The following CHD3 variants were observed in gnomAD, a reference collection of about 807,000 sequenced individuals.
CHD3 encodes the protein ATP-dependent chromatin remodeler CHD3.
Under a neutral mutation model 248.9 loss-of-function variants are expected in CHD3, and 52 were observed. The ratio of observed to expected loss-of-function variants is 0.21; its 90% CI spans 0.17 to 0.26. The LOEUF (loss-of-function observed/expected upper bound fraction) is 0.26. Ranked by LOEUF, CHD3 falls within the 10% of genes least tolerant of loss-of-function variation. The probability of loss-of-function intolerance (pLI) is 1.00; values close to 1 mark genes in which losing one functional copy is unlikely to be tolerated. For missense variants in CHD3, 1,482 were observed against 2,605.8 expected, an observed-to-expected ratio of 0.57 and a Z score of 9.39; for synonymous variants, 985 against 985.2, an observed-to-expected ratio of 1.00 and a Z score of 0.00.
In CHD3 at chr17:7,907,809, C is replaced by CAGTAG. The variant is rs887268053; in HGVS notation, c.5027-81_5027-80insGAGTA. ...CTGGGCGGGTAGCTGTTTGAAAGGC[C>CAGTAG]AGTACAGTACAGTACAGATAGTAGT... On this transcript the variant is annotated intron_variant, in intron 33 of 39. Transcript: ENST00000330494. This position sits in a 1 kb window ranked among gnomAD's most constrained non-coding sequence, Gnocchi z 4.3. 3.5e-5 allele frequency: 52 copies of CAGTAG among 1,505,540 alleles called. No individual in the cohort carries two copies. The Admixed American group carries it at 5.3e-4, about 15-fold the overall frequency. 93.3% of individuals were successfully genotyped at this position (1,505,540 alleles called of 1,614,324 possible).
In CHD3 at chr17:7,911,741, A is replaced by G. The variant is rs1234198122; in HGVS notation, c.*156A>G. The G allele has an allele frequency of 6.5e-7, 1 of 1,535,276 alleles. No homozygotes were observed. The highest frequency in any genetic ancestry group is 8.8e-7 in the Non-Finnish European group (1 of 1,137,110). On this transcript the variant is annotated 3_prime_UTR_variant, in exon 40 of 40. Transcript: ENST00000330494. The surrounding 1 kb of genome is among the most constrained non-coding windows in gnomAD (Gnocchi z 5.4). ...CCCCTCTCTGCAGCTCCTCTCTTCA[A>G]GAAGGGCCCTTTGTCTTTCTCCACT...
In CHD3 at chr17:7,904,703, A is replaced by C; in HGVS notation, c.4072+84A>C. On this transcript the variant is annotated intron_variant, in intron 25 of 39. Transcript: ENST00000330494. The surrounding 1 kb of genome is among the most constrained non-coding windows in gnomAD (Gnocchi z 4.4). ...GAAGGCTGGAGCTATTTAGAGGGAA[A>C]GAGAGAAGCCTAGAAGTCAGAGCCT... is the stretch of plus-strand genomic sequence containing the variant. 7.8e-7 allele frequency: 1 copy of C among 1,282,148 alleles called. No individual in the cohort carries two copies. The highest frequency in any genetic ancestry group is 1.1e-6 in the Non-Finnish European group (1 of 924,768). The allele number at this position is 1,282,148 out of a possible 1,614,324, so 79.4% of individuals were successfully genotyped here.
chr17:7,898,183 C>CAGTA, intron 12 of CHD3, 81 bp downstream of exon 12: 1 of 1,535,928 alleles, frequency 6.5e-7, no homozygotes, highest in Non-Finnish European at 8.8e-7. Flanking sequence ...AATGAGGGTA[C>CAGTA]AGTAGGGCCT....
In CHD3 at chr17:7,894,607, G is replaced by A; in HGVS notation, c.1268G>A (p.Cys423Tyr). ...GAGGGCAAATGGAGCTGCCCTCACT[G>A]TGTGAGTACCTAATGCCAGCATCTG... ...APEGKWSCPH[C>Y]EKEGVQWEAK... Residue 423 changes from cysteine (C) to tyrosine (Y), a missense_variant and splice_region_variant, in exon 8 of 40, where the codon TGT (cysteine) becomes TAT (tyrosine). Physicochemically the swap from Cys to Tyr is radical, Grantham distance 194. Around this residue, in one of 20 missense-constraint regions of CHD3, gnomAD observed 138 missense variants for 241.1 expected, o/e 0.57. Coordinates refer to ENST00000330494, the MANE Select transcript of CHD3 (RefSeq NM_001005273.3). The A allele has an allele frequency of 6.2e-7, 1 of 1,610,396 alleles. No individual in the cohort carries two copies. The highest frequency in any genetic ancestry group is 8.5e-7 in the Non-Finnish European group (1 of 1,177,242).
At position 7,908,432 on chromosome 17, in the gene CHD3, G is replaced by C. The variant is rs1358218895; in HGVS notation, c.5183G>C (p.Arg1728Pro). 6.2e-7 allele frequency: 1 copy of C among 1,613,584 alleles called. No individual in the cohort carries two copies. The highest frequency in any genetic ancestry group is 1.3e-5 in the African/African-American group (1 of 74,898). The part of the protein sequence containing the change: ...ELHTLWQNEE[R>P]AAISSGKLNE... ...CACACACTGTGGCAGAATGAGGAACGGGCAGCTATTTCCTCGGGGAAACTC... is the reference window on the plus strand; with the variant it reads ...CACACACTGTGGCAGAATGAGGAACCGGCAGCTATTTCCTCGGGGAAACTC... The change falls in exon 35 of 40, where the codon CGG (arginine) becomes CCG (proline). Residue 1728 changes from arginine (R) to proline (P), a missense_variant. Arg to Pro is a moderately radical substitution (Grantham distance 103, BLOSUM62 -2). Transcript: ENST00000330494. The surrounding 1 kb of genome is among the most constrained non-coding windows in gnomAD (Gnocchi z 5.8).
intron 20 of CHD3, among the ~76,000 whole-genome samples, chr17:7,902,135 A>T (rs1224028968): frequency 1.3e-5 from 2 of 152,170 alleles, no homozygotes; most frequent in Non-Finnish European, 2.9e-5. Flanking sequence ...GAGTGTGACA[A>T]GAGGGCCAGA....
intron 8 of CHD3, 112 bp downstream of exon 8, chr17:7,894,720 G>A: frequency 1.5e-6 from 2 of 1,348,060 alleles, no homozygotes; most frequent in Non-Finnish European, 2.0e-6. Context: ...CTTAGTAACA[G>A]ATGTCCGAGT....
At position 7,892,492 on chromosome 17, in the gene CHD3, T is replaced by TC. The variant is rs1246089985; in HGVS notation, c.510-790dup. 5.1e-4 allele frequency among the ~76,000 whole-genome samples: 73 copies of TC among 143,412 alleles called. 1 individual carries two copies. Among genetic ancestry groups the TC allele is most frequent in the African/African-American group, 1.6e-3 (63 of 39,296 alleles). 94.1% of individuals were successfully genotyped at this position (143,412 alleles called of 152,430 possible). The stretch of plus-strand genomic sequence containing the variant: ...AAGTTTTATTTCGCTGTTTTTTATT[T>TC]CCCCTTTTTTTTTTTTTTTTTTTGA... On this transcript the variant is annotated intron_variant, in intron 4 of 39. Coordinates refer to ENST00000330494, the MANE Select transcript of CHD3 (RefSeq NM_001005273.3).
chr17:7,886,271 C>A (rs1050913150), upstream of CHD3, among the ~76,000 whole-genome samples: 1 of 152,232 alleles, frequency 6.6e-6, no homozygotes, highest in Admixed American at 6.5e-5. The surrounding 1 kb of genome is among the most constrained non-coding windows in gnomAD (Gnocchi z 4.2). Context: ...GCGTCAGGCG[C>A]CCAGCGGTGT....
In CHD3 at chr17:7,911,085, C is replaced by T; in HGVS notation, c.5881+112C>T. The T allele has an allele frequency of 6.8e-7, 1 of 1,473,916 alleles. No individual in the cohort carries two copies. Among genetic ancestry groups the T allele is most frequent in the Non-Finnish European group, 9.3e-7 (1 of 1,071,466 alleles). 91.3% of individuals were successfully genotyped at this position (1,473,916 alleles called of 1,614,324 possible). Reference sequence around the variant, plus strand: ...GTCCATCTCATTTCCTTGGTGGTATCCGGTGTTTTATGGGATAGAGTTGTT... The same window carrying T: ...GTCCATCTCATTTCCTTGGTGGTATTCGGTGTTTTATGGGATAGAGTTGTT... On this transcript the variant is annotated intron_variant, in intron 39 of 39. Coordinates refer to ENST00000330494, the MANE Select transcript of CHD3 (RefSeq NM_001005273.3). This position sits in a 1 kb window ranked among gnomAD's most constrained non-coding sequence, Gnocchi z 5.4.
chr17:7,903,398 G>A lies in CHD3; in HGVS notation c.3622G>A (p.Val1208Ile). The A allele has an allele frequency of 3.7e-6, 6 of 1,614,192 alleles. No homozygotes were observed. Among genetic ancestry groups the A allele is most frequent in the Non-Finnish European group, 5.1e-6 (6 of 1,180,030 alleles). The change falls in exon 23 of 40, where the codon GTT becomes ATT. Residue 1208 changes from valine to isoleucine, a missense_variant. By Grantham distance (29) the Val-to-Ile change is conservative. Around this residue, in one of 20 missense-constraint regions of CHD3, gnomAD observed 156 missense variants for 420.3 expected, o/e 0.37. Coordinates refer to ENST00000330494, the MANE Select transcript of CHD3 (RefSeq NM_001005273.3). The surrounding 1 kb of genome is among the most constrained non-coding windows in gnomAD (Gnocchi z 6.8). ...GAGAAAGATGATGCTGACACACCTG[G>A]TTGTGCGGCCTGGGCTGGGCTCCAA... ...AKRKMMLTHL[V>I]VRPGLGSKAG...
At chr17:7,884,923 C>A (rs1387017613), upstream of CHD3, 1 of 1,409,100 alleles carries the variant, frequency 7.1e-7, no homozygotes, top group Non-Finnish European at 9.3e-7. Context: ...TGGAGGCGGC[C>A]GACGAGGACG....
chr17:7,902,976 G>T lies in CHD3; in HGVS notation c.3410G>T (p.Arg1137Leu), dbSNP rs1196766102. 6.2e-7 allele frequency: 1 copy of T among 1,613,932 alleles called. No individual in the cohort carries two copies. Among genetic ancestry groups the T allele is most frequent in the Non-Finnish European group, 8.5e-7 (1 of 1,180,018 alleles). The change falls in exon 22 of 40, where the codon CGA becomes CTA. Residue 1137 changes from arginine (R) to leucine (L), a missense_variant. By Grantham distance (102) the Arg-to-Leu change is moderately radical. Transcript: ENST00000330494. ...CAATTCTGCTTCCTCCTGTCCACCCGAGCTGGGGGCCTGGGCATCAATCTG... is the reference window on the plus strand; with the variant it reads ...CAATTCTGCTTCCTCCTGTCCACCCTAGCTGGGGGCCTGGGCATCAATCTG... Reference protein sequence around the residue: ...AQQFCFLLSTRAGGLGINLAT... With the variant: ...AQQFCFLLSTLAGGLGINLAT...
chr17:7,899,622 A>C lies in CHD3; in HGVS notation c.2544+79A>C, dbSNP rs1017392646. 5 of 1,421,840 alleles carry C rather than the reference A, an allele frequency of 3.5e-6. No individual in the cohort carries two copies. Among genetic ancestry groups the C allele is most frequent in the Non-Finnish European group, 4.9e-6 (5 of 1,022,936 alleles). 88.1% of individuals were successfully genotyped at this position (1,421,840 alleles called of 1,614,324 possible). A position where few individuals can be genotyped will look rare whatever the true frequency, so the allele number is the denominator to read the frequency against. The stretch of plus-strand genomic sequence containing the variant: ...TCTCAGCCAGGAATTCAGTTTCTCT[A>C]TTCCCCTCCTCACCTTTCTCCTCTT... On this transcript the variant is annotated intron_variant, in intron 15 of 39. Transcript: ENST00000330494. The surrounding 1 kb of genome is among the most constrained non-coding windows in gnomAD (Gnocchi z 6.8).
At position 7,911,005 on chromosome 17, in the gene CHD3, C is replaced by T. The variant is rs1372399254; in HGVS notation, c.5881+32C>T. 6.2e-7 allele frequency: 1 copy of T among 1,610,340 alleles called. No individual in the cohort carries two copies. The highest frequency in any genetic ancestry group is 8.5e-7 in the Non-Finnish European group (1 of 1,178,902). On this transcript the variant is annotated intron_variant, in intron 39 of 39. Transcript: ENST00000330494. This position sits in a 1 kb window ranked among gnomAD's most constrained non-coding sequence, Gnocchi z 5.4. ...TGGTGTTTTCCTACCCCCTGCTACT[C>T]ACACTCCTCCTTTGCCAAACTTTAT...
upstream of CHD3, among the ~76,000 whole-genome samples, chr17:7,887,746 G>A (rs908632174): frequency 5.3e-5 from 8 of 152,124 alleles, no homozygotes; most frequent in Non-Finnish European, 8.8e-5. Context: ...TGCGCCCTCC[G>A]GCCCCCGCCT....
intron 12 of CHD3, 28 bp from the exon 13 acceptor site, chr17:7,898,468 G>A: frequency 6.6e-7 from 1 of 1,521,804 alleles, no homozygotes; most frequent in Non-Finnish European, 9.1e-7. Flanking sequence ...CAAGGATGAG[G>A]CCTCATTCAG....
chr17:7,912,163 T>C lies in CHD3; in HGVS notation c.*578T>C, dbSNP rs1971740424. 5.1e-6 allele frequency: 1 copy of C among 195,808 alleles called. No homozygotes were observed. Among genetic ancestry groups the C allele is most frequent in the Non-Finnish European group, 1.0e-5 (1 of 96,096 alleles). The allele number at this position is 195,808 out of a possible 1,614,324, so 12.1% of individuals were successfully genotyped here. A position where few individuals can be genotyped will look rare whatever the true frequency, so the allele number is the denominator to read the frequency against. The stretch of plus-strand genomic sequence containing the variant: ...AGTTATGAGGGAGGAAGTCAACTGC[T>C]GTTCAGCCTCAGAATAAAGGTGCCG... On this transcript the variant is annotated 3_prime_UTR_variant, in exon 40 of 40. Coordinates refer to ENST00000330494, the MANE Select transcript of CHD3 (RefSeq NM_001005273.3).
rs1272465805 is a variant in CHD3 at position 7,901,528 on chromosome 17, G to A, written c.3252+153G>A. ...AGTTTTTTTTTTTTTTTTTTTTTTT[G>A]AGACAGAGTTTCGCTCTTATTGCCC... On this transcript the variant is annotated intron_variant, in intron 20 of 39. Transcript: ENST00000330494. Among the ~76,000 whole-genome samples, 7 of 44,122 alleles carry A rather than the reference G, an allele frequency of 1.6e-4. No individual in the cohort carries two copies. In the Admixed American group the frequency reaches 1.7e-3, roughly 10 times the overall value. 28.9% of individuals were successfully genotyped at this position (44,122 alleles called of 152,430 possible). A position where few individuals can be genotyped will look rare whatever the true frequency, so the allele number is the denominator to read the frequency against.
Sources: allele counts gnomAD v4.1 joint callset (sites outside exome capture counted in the v4.1 genomes callset), GRCh38; gene constraint gnomAD v4.1.1; regional missense constraint gnomAD v4.1.1; non-coding constraint Gnocchi (gnomAD v3.1); transcripts MANE v1.5; gene names NCBI Gene and HGNC (gene_info 2026-07-23, HGNC 2026-07-21).